ATP11A: variants seen among roughly 807,000 people sequenced by gnomAD.
ATP11A encodes the protein phospholipid-transporting ATPase IH.
A neutral mutation model predicts 154.4 loss-of-function variants in ATP11A; 81 were observed. That is an observed-to-expected ratio of 0.52 (90% confidence interval 0.44 to 0.63). The LOEUF is 0.63. Ranked by LOEUF, ATP11A falls within the 30% of genes least tolerant of loss-of-function variation. ATP11A has a pLI of 0.00. For missense variants in ATP11A, 1,316 were observed against 1,474.3 expected (o/e 0.89, Z 1.76); for synonymous variants, 623 against 585.9 (o/e 1.06, Z -0.91).
chr13:112,787,348 G>A (rs34174416), intron 2 of ATP11A, among the ~76,000 whole-genome samples: 5,989 of 127,636 alleles, frequency 0.047, 348 homozygotes, highest in Admixed American at 0.078. Flanking sequence ...AATTGACACC[G>A]GGTGTCCTGA....
At chr13:112,845,293 A>C (rs1399977166) in intron 17 of ATP11A, among the ~76,000 whole-genome samples, 1 of 118,132 alleles carries the variant, frequency 8.5e-6, no homozygotes, top group Non-Finnish European at 1.7e-5. Context: ...TCCAGTTGCC[A>C]GGCACTAGTG....
intron 18 of ATP11A, chr13:112,851,711 T>G (rs1483694181): frequency 6.5e-6 from 1 of 152,756 alleles, no homozygotes; most frequent in Admixed American, 6.5e-5. Context: ...TTTGTAGAGA[T>G]AGGATCTCAC....
chr13:112,882,584 A>G lies in ATP11A; in HGVS notation c.*718A>G, dbSNP rs989949025. 3 of 409,450 alleles carry G rather than the reference A, an allele frequency of 7.3e-6. No individual in the cohort carries two copies. Among genetic ancestry groups the G allele is most frequent in the African/African-American group, 2.0e-5 (1 of 48,842 alleles). 25.4% of individuals were successfully genotyped at this position (409,450 alleles called of 1,614,324 possible). A position where few individuals can be genotyped will look rare whatever the true frequency, so the allele number is the denominator to read the frequency against. On this transcript the variant is annotated 3_prime_UTR_variant, in exon 30 of 30. Transcript: ENST00000375645. This position sits in a 1 kb window ranked among gnomAD's most constrained non-coding sequence, Gnocchi z 5.1. ...GAGTGGTTTCCCTGCGGTTACGTCC[A>G]AGCCCGCCTGCCCTGTGTGTTGGGG... is the stretch of plus-strand genomic sequence containing the variant.
At chr13:112,791,846 C>T (rs1230242239) in intron 2 of ATP11A, among the ~76,000 whole-genome samples, 1 of 152,126 alleles carries the variant, frequency 6.6e-6, no homozygotes, top group Non-Finnish European at 1.5e-5. Context: ...GTTTTGTGGG[C>T]TTATTGCTGC....
chr13:112,775,870 C>G (rs2077336296), intron 1 of ATP11A, among the ~76,000 whole-genome samples: 1 of 152,230 alleles, frequency 6.6e-6, no homozygotes, highest in Admixed American at 6.5e-5. Context: ...AGTTTCTGCC[C>G]CCAGTTCCAA....
At chr13:112,781,995 C>T (rs1025387153) in intron 1 of ATP11A, among the ~76,000 whole-genome samples, 2 of 152,194 alleles carry the variant, frequency 1.3e-5, no homozygotes, top group Non-Finnish European at 2.9e-5. Flanking sequence ...GGCAAGGCCG[C>T]GCACTTGCCA....
chr13:112,769,097 C>T (rs757559553), intron 1 of ATP11A, among the ~76,000 whole-genome samples: 10 of 152,182 alleles, frequency 6.6e-5, no homozygotes, highest in South Asian at 2.1e-4. Flanking sequence ...AGTCGGGAGA[C>T]GGGAGCAATG....
chr13:112,815,280 GCGA>G (rs2078613197), intron 5 of ATP11A, among the ~76,000 whole-genome samples: 2 of 148,252 alleles, frequency 1.3e-5, no homozygotes, highest in Non-Finnish European at 3.0e-5. Flanking sequence ...GTCCAGATCT[GCGA>G]TACCTTCCAC....
chr13:112,763,477 C>T (rs1445932515), intron 1 of ATP11A, among the ~76,000 whole-genome samples: 1 of 152,220 alleles, frequency 6.6e-6, no homozygotes, highest in East Asian at 1.9e-4. Flanking sequence ...CCTCAAAATA[C>T]ATTTCATTGA....
chr13:112,743,979 C>T (rs1891831604), intron 1 of ATP11A, among the ~76,000 whole-genome samples: 1 of 152,196 alleles, frequency 6.6e-6, no homozygotes, highest in African/African-American at 2.4e-5. Flanking sequence ...ACAGGTTAAG[C>T]CAGTTTTCAG....
At chr13:112,830,952 C>T (rs371397499) in intron 12 of ATP11A, among the ~76,000 whole-genome samples, 95 of 152,192 alleles carry the variant, frequency 6.2e-4, no homozygotes, top group Non-Finnish European at 7.8e-4. Flanking sequence ...AGAGTAAGTT[C>T]GTCCTCTCTG....
chr13:112,873,069 T>C (rs61961596), intron 26 of ATP11A, among the ~76,000 whole-genome samples: 1,888 of 13,074 alleles, frequency 0.14, no homozygotes, highest in Middle Eastern at 0.28. Flanking sequence ...TCTTCCTGAG[T>C]GGTGTGAGGT....
intron 25 of ATP11A, among the ~76,000 whole-genome samples, chr13:112,865,573 G>A (rs1403369428): frequency 4.6e-5 from 7 of 152,136 alleles, no homozygotes; most frequent in Admixed American, 3.3e-4. Flanking sequence ...TTGTTGAGAC[G>A]GAGTCTCGCT....
chr13:112,874,439 A>G (rs1009614434), intron 27 of ATP11A, among the ~76,000 whole-genome samples: 3 of 152,182 alleles, frequency 2.0e-5, no homozygotes, highest in Non-Finnish European at 4.4e-5. Flanking sequence ...GGTGAGAGCG[A>G]CATAGGCAGG....
chr13:112,756,121 A>G (rs550063497), intron 1 of ATP11A, among the ~76,000 whole-genome samples: 38 of 152,382 alleles, frequency 2.5e-4, no homozygotes, highest in Non-Finnish European at 5.3e-4. Flanking sequence ...TTTCTTAGCA[A>G]CCCTGGTGTT....
chr13:112,739,957 T>G (rs1425985880), intron 1 of ATP11A, among the ~76,000 whole-genome samples: 1 of 152,106 alleles, frequency 6.6e-6, no homozygotes, highest in African/African-American at 2.4e-5. Context: ...AGATTAATGG[T>G]TGGCAGGGGC....
rs1233724932 is a variant in ATP11A, at chr13:112,690,531, G to T, written c.39+76G>T. On this transcript the variant is annotated intron_variant, in intron 1 of 29. Transcript: ENST00000375645. The surrounding 1 kb of genome is among the most constrained non-coding windows in gnomAD (Gnocchi z 5.6). ...GCCGGCCCCGCAGCCCGGACCCTGT[G>T]GCCGGTCCAGCCCCGGGGTCCCGGG... 1 of 1,236,886 alleles carries T rather than the reference G, an allele frequency of 8.1e-7. No individual in the cohort carries two copies. The highest frequency in any genetic ancestry group is 4.2e-5 in the Admixed American group (1 of 23,562). 76.6% of individuals were successfully genotyped at this position (1,236,886 alleles called of 1,614,324 possible). A position where few individuals can be genotyped will look rare whatever the true frequency, so the allele number is the denominator to read the frequency against.
At chr13:112,842,234 C>A in intron 16 of ATP11A, 42 bp from the exon 17 acceptor site, 1 of 1,413,572 alleles carries the variant, frequency 7.1e-7, no homozygotes, top group Non-Finnish European at 9.9e-7. Flanking sequence ...ATCTAGTCTT[C>A]CCCATATTGT....
rs571181190 is a variant in ATP11A, at chr13:112,721,889, G to A, written c.39+31434G>A. On this transcript the variant is annotated intron_variant, in intron 1 of 29. Transcript: ENST00000375645. ...GGGCGACCAGGAGGTTCACCAGGCC[G>A]TCAGCACCGCAGCCGCTGGAGGCGC... 9.2e-5 allele frequency among the ~76,000 whole-genome samples: 14 copies of A among 152,372 alleles called. No homozygotes were observed. The South Asian group carries it at 2.9e-3, about 32-fold the overall frequency.
Sources: allele counts gnomAD v4.1 joint callset (sites outside exome capture counted in the v4.1 genomes callset), GRCh38; gene constraint gnomAD v4.1.1; non-coding constraint Gnocchi (gnomAD v3.1); transcripts MANE v1.5; gene names NCBI Gene and HGNC (gene_info 2026-07-23, HGNC 2026-07-21).